MEP1B: variants seen among roughly 807,000 people sequenced by gnomAD.
The protein encoded by MEP1B is N-benzoyl-L-tyrosyl-P-amino-benzoic acid hydrolase subunit beta.
MEP1B carries 80 observed loss-of-function variants against 84.6 expected under a neutral mutation model. That is an observed-to-expected ratio of 0.95 (90% CI 0.79 to 1.14). The LOEUF is 1.14. MEP1B is among the 50% of genes most tolerant of loss of function. The probability of loss-of-function intolerance (pLI) is 0.00; values close to 1 mark genes in which losing one functional copy is unlikely to be tolerated. For synonymous variants in MEP1B, 273 were observed against 288.1 expected (o/e 0.95, Z 0.53); for missense variants, 766 against 855.1 (o/e 0.90, Z 1.30).
chr18:32,220,378 T>A lies in MEP1B; in HGVS notation c.*133T>A. 1.2e-6 allele frequency: 1 copy of A among 850,900 alleles called. No homozygotes were observed. 52.7% of individuals were successfully genotyped at this position (850,900 alleles called of 1,614,324 possible). ...TTTCTGTAAATAGCTGGAAATATTA[T>A]AAATCACTATTTTGGTCAAAGTCAA... On this transcript the variant is annotated 3_prime_UTR_variant, in exon 15 of 15. Coordinates refer to ENST00000269202, the MANE Select transcript of MEP1B (RefSeq NM_005925.3).
rs748727821 is a variant in MEP1B, at chr18:32,210,552, C to T, written c.971C>T (p.Thr324Ile). 1 of 1,613,976 alleles carries T rather than the reference C, an allele frequency of 6.2e-7. No individual in the cohort carries two copies. Among genetic ancestry groups the T allele is most frequent in the Non-Finnish European group, 8.5e-7 (1 of 1,179,884 alleles). Residue 324 changes from threonine to isoleucine, a missense_variant, in exon 10 of 15, where the codon ACA becomes ATA. By Grantham distance (89) the Thr-to-Ile change is moderately conservative. Coordinates refer to ENST00000269202, the MANE Select transcript of MEP1B (RefSeq NM_005925.3). ...AGCAGCTCTGTAAATGTGGGGGCCA[C>T]AGCAGTGCTGGAAAGTAGAACGCTG... is the stretch of plus-strand genomic sequence containing the variant. ...FDSSSVNVGA[T>I]AVLESRTLYP... is the part of the protein sequence containing the mutation.
intron 14 of MEP1B, among the ~76,000 whole-genome samples, chr18:32,219,697 A>G (rs1370822499): frequency 6.6e-6 from 1 of 152,172 alleles, no homozygotes; most frequent in African/African-American, 2.4e-5. Context: ...GTTAAAGAAA[A>G]ATGACAAAAC....
At chr18:32,204,117 G>T in intron 6 of MEP1B, 65 bp from the exon 7 acceptor site, 1 of 1,428,626 alleles carries the variant, frequency 7.0e-7, no homozygotes, top group Admixed American at 1.9e-5. Context: ...AGGCAGTGGC[G>T]ATTCTGCCCT....
At chr18:32,208,420 G>C (rs2040988776) in intron 9 of MEP1B, 149 bp downstream of exon 9, 1 of 784,118 alleles carries the variant, frequency 1.3e-6, no homozygotes. Context: ...CCTTGCACCT[G>C]ATAAAGACAT....
At chr18:32,207,845 A>C (rs887204054) in intron 8 of MEP1B, among the ~76,000 whole-genome samples, 7 of 152,352 alleles carry the variant, frequency 4.6e-5, no homozygotes, top group African/African-American at 1.7e-4. Context: ...TGATTCGAAT[A>C]ACTAGGGGAG....
At chr18:32,204,788 C>T (rs1210120178) in intron 7 of MEP1B, among the ~76,000 whole-genome samples, 2 of 152,100 alleles carry the variant, frequency 1.3e-5, no homozygotes, top group African/African-American at 2.4e-5. Flanking sequence ...TTGATGAGGG[C>T]CTTCTTGCTG....
At position 32,208,264 on chromosome 18, in the gene MEP1B, G is replaced by C. The variant is rs1467329149; in HGVS notation, c.912G>C (p.Gln304His). ...AGAGTGATCACTCCAACATGGGCCA[G>C]TGCCAAGGTAACAGGAGTGAGATAT... is the stretch of plus-strand genomic sequence containing the variant. ...GPESDHSNMG[Q>H]CQGSGFFMHF... Residue 304 changes from glutamine (Q) to histidine (H), a missense_variant, in exon 9 of 15, where the codon CAG (glutamine) becomes CAC (histidine). Coordinates refer to ENST00000269202, the MANE Select transcript of MEP1B (RefSeq NM_005925.3). 3 of 1,613,402 alleles carry C rather than the reference G, an allele frequency of 1.9e-6. No homozygotes were observed. The highest frequency in any genetic ancestry group is 1.3e-5 in the African/African-American group (1 of 75,040).
At chr18:32,199,205 T>C (rs1335212481) in intron 5 of MEP1B, among the ~76,000 whole-genome samples, 1 of 152,178 alleles carries the variant, frequency 6.6e-6, no homozygotes. Flanking sequence ...TCGAGAAATG[T>C]TTGGGAGTTA....
At chr18:32,204,439 A>G (rs2040944673) in intron 7 of MEP1B, 79 bp downstream of exon 7, 1 of 1,225,132 alleles carries the variant, frequency 8.2e-7, no homozygotes, top group African/African-American at 1.5e-5. Context: ...CATCTGTGGC[A>G]ACTGTTAATA....
intron 5 of MEP1B, among the ~76,000 whole-genome samples, chr18:32,199,349 G>T (rs1280828163): frequency 9.9e-5 from 15 of 152,194 alleles, no homozygotes; most frequent in Admixed American, 3.3e-4. Context: ...TAAGTAAGAA[G>T]ATGGTCGAGA....
intron 5 of MEP1B, among the ~76,000 whole-genome samples, chr18:32,201,501 C>A (rs1445381678): frequency 6.6e-6 from 1 of 151,902 alleles, no homozygotes; most frequent in African/African-American, 2.4e-5. Context: ...ATTTGTAATC[C>A]TCTATTCATT....
chr18:32,217,168 T>G, intron 13 of MEP1B, 51 bp downstream of exon 13: 1 of 1,587,916 alleles, frequency 6.3e-7, no homozygotes, highest in Non-Finnish European at 8.6e-7. Context: ...GAAATTTTAT[T>G]TCCATAATGT....
rs866383442 is a variant in MEP1B, at chr18:32,190,039, A to G, written c.-32A>G. On this transcript the variant is annotated 5_prime_UTR_variant, in exon 1 of 15. Transcript: ENST00000269202. ...AGAAGTCAATTCAACCCTGAATGTC[A>G]TAGTTAGCTACTTTCAACTGGAAGC... 12 of 1,582,790 alleles carry G rather than the reference A, an allele frequency of 7.6e-6. No individual in the cohort carries two copies. The Middle Eastern group carries it at 1.5e-3, about 198-fold the overall frequency.
At chr18:32,214,623 G>A (rs189534881) in intron 11 of MEP1B, among the ~76,000 whole-genome samples, 12 of 152,278 alleles carry the variant, frequency 7.9e-5, no homozygotes, top group African/African-American at 2.6e-4. Flanking sequence ...TGCTCTGTTA[G>A]GTGAATAATT....
intron 10 of MEP1B, among the ~76,000 whole-genome samples, chr18:32,212,765 A>T (rs2041041293): frequency 6.6e-6 from 1 of 152,232 alleles, no homozygotes. Context: ...TAGAAGTGTT[A>T]CAAGTGTTGG....
chr18:32,199,901 C>T (rs932529428), intron 5 of MEP1B, among the ~76,000 whole-genome samples: 1 of 152,132 alleles, frequency 6.6e-6, no homozygotes, highest in Non-Finnish European at 1.5e-5. Flanking sequence ...CTCGGCCTCC[C>T]GAAGTGTTGG....
At chr18:32,195,886 T>G (rs1233898424) in intron 5 of MEP1B, 1 of 252,908 alleles carries the variant, frequency 4.0e-6, no homozygotes, top group African/African-American at 2.3e-5. Context: ...GATGCTCTGC[T>G]GGGGGTGCAG....
chr18:32,206,892 G>T (rs2040971131), intron 7 of MEP1B, among the ~76,000 whole-genome samples: 1 of 152,124 alleles, frequency 6.6e-6, no homozygotes, highest in Admixed American at 6.5e-5. Flanking sequence ...TTACAGGCGT[G>T]AGCCACCACG....
At chr18:32,211,450 A>T (rs1363187679) in intron 10 of MEP1B, among the ~76,000 whole-genome samples, 2 of 151,892 alleles carry the variant, frequency 1.3e-5, no homozygotes, top group South Asian at 4.2e-4. Flanking sequence ...ATTGCTGGGG[A>T]CCTCTTGTTT....
Sources: gnomAD v4.1 joint callset for allele counts (sites outside exome capture counted in the v4.1 genomes callset) on GRCh38, gnomAD v4.1.1 for gene constraint, MANE v1.5 for transcripts, NCBI Gene and HGNC (gene_info 2026-07-23, HGNC 2026-07-21) for gene names.